Variants in RBFOX1 observed in about 807,000 individuals in gnomAD.
RBFOX1 encodes RNA binding fox-1 homolog 1, also known as RNA binding protein fox-1 homolog 1.
A neutral mutation model predicts 57.7 loss-of-function variants in RBFOX1; 8 were observed. The ratio of observed to expected loss-of-function variants is 0.14; its 90% CI spans 0.08 to 0.25. The LOEUF (loss-of-function observed/expected upper bound fraction) is 0.25, where lower values mean the gene tolerates loss of function less well. Among genes scored for constraint, RBFOX1 ranks in the 10% least tolerant of loss-of-function variants. The probability of loss-of-function intolerance (pLI) is 1.00; values close to 1 mark genes in which losing one functional copy is unlikely to be tolerated. For synonymous variants in RBFOX1, 326 were observed against 222.4 expected (o/e 1.47, Z -4.15); for missense variants, 611 against 548.5 (o/e 1.11, Z -1.14).
chr16:7,011,137 A>T (rs1289936496), intron 3 of RBFOX1, among the ~76,000 whole-genome samples: 1 of 151,594 alleles, frequency 6.6e-6, no homozygotes. Context: ...TGTCTTACAT[A>T]GTTGAAAAGT....
intron 2 of RBFOX1, among the ~76,000 whole-genome samples, chr16:6,605,989 G>C (rs891721816): frequency 6.6e-6 from 1 of 151,946 alleles, no homozygotes; most frequent in Non-Finnish European, 1.5e-5. Flanking sequence ...AGTGCCTGTA[G>C]TCCCAGCTAC....
At chr16:6,984,068 A>G (rs944469357) in intron 3 of RBFOX1, among the ~76,000 whole-genome samples, 1 of 152,068 alleles carries the variant, frequency 6.6e-6, no homozygotes, top group African/African-American at 2.4e-5. Context: ...ATCAACATGG[A>G]GAAACCCTGT....
chr16:5,987,617 C>A (rs577164511), intron 4 of RBFOX1, among the ~76,000 whole-genome samples: 1 of 152,218 alleles, frequency 6.6e-6, no homozygotes, highest in Admixed American at 6.5e-5. Flanking sequence ...GCAGGAGAAT[C>A]ACTTGAGGCC....
intron 9 of RBFOX1, among the ~76,000 whole-genome samples, chr16:7,599,712 A>G (rs2094912088): frequency 7.0e-6 from 1 of 142,920 alleles, no homozygotes; most frequent in African/African-American, 2.8e-5. Context: ...GTGGCATGCT[A>G]TTGGCTCATT....
chr16:7,482,763 C>G (rs369733929), intron 4 of RBFOX1, among the ~76,000 whole-genome samples: 1 of 151,890 alleles, frequency 6.6e-6, no homozygotes, highest in South Asian at 2.1e-4. Flanking sequence ...CTTGGATGTG[C>G]TGGTAAGCCC....
At chr16:7,213,069 G>A (rs567844147) in intron 4 of RBFOX1, among the ~76,000 whole-genome samples, 1 of 152,246 alleles carries the variant, frequency 6.6e-6, no homozygotes, top group South Asian at 2.1e-4. Flanking sequence ...GCCAGAGATT[G>A]GAATAGGTTG....
chr16:5,817,794 C>T (rs1360228862), intron 3 of RBFOX1, among the ~76,000 whole-genome samples: 3 of 151,432 alleles, frequency 2.0e-5, no homozygotes, highest in South Asian at 4.2e-4. Context: ...CCCGGGTTCG[C>T]GCCATTCTCC....
At chr16:6,831,869 G>T (rs565767247) in intron 3 of RBFOX1, among the ~76,000 whole-genome samples, 87 of 152,106 alleles carry the variant, frequency 5.7e-4, no homozygotes, top group Non-Finnish European at 1.1e-3. Flanking sequence ...CATCATTTAT[G>T]CAGTGAAAGA....
chr16:6,088,458 C>G (rs780345234), intron 1 of RBFOX1, among the ~76,000 whole-genome samples: 4 of 152,088 alleles, frequency 2.6e-5, no homozygotes, highest in African/African-American at 7.2e-5. Context: ...ATTAATCATT[C>G]ACTTTCCTAT....
intron 3 of RBFOX1, among the ~76,000 whole-genome samples, chr16:5,627,619 G>A (rs1167580128): frequency 6.6e-6 from 1 of 152,074 alleles, no homozygotes; most frequent in Non-Finnish European, 1.5e-5. Flanking sequence ...AAACTAAGAA[G>A]GGGATTGATA....
intron 1 of RBFOX1, among the ~76,000 whole-genome samples, chr16:6,301,928 C>T (rs2078867609): frequency 6.6e-6 from 1 of 152,164 alleles, no homozygotes; most frequent in Admixed American, 6.5e-5. Context: ...GGCAGAAGAA[C>T]ATCCTGAGGT....
intron 4 of RBFOX1, among the ~76,000 whole-genome samples, chr16:5,970,776 C>A (rs1339778324): frequency 6.6e-6 from 1 of 152,190 alleles, no homozygotes; most frequent in Non-Finnish European, 1.5e-5. Flanking sequence ...AAGTCTATGA[C>A]TATATGGCCA....
At position 5,879,558 on chromosome 16, in the gene RBFOX1, G is replaced by C. The variant is rs550809162; in HGVS notation, c.351+12223G>C. Reference sequence around the variant, plus strand: ...TTGGCCTGGCTGGTCTCAAACTCCTGACCTCAGGTGATCTGCCTCTTTTGG... The same window carrying C: ...TTGGCCTGGCTGGTCTCAAACTCCTCACCTCAGGTGATCTGCCTCTTTTGG... On this transcript the variant is annotated intron_variant, in intron 4 of 19. Transcript: ENST00000641259. Among the ~76,000 whole-genome samples, 9 of 152,294 alleles carry C rather than the reference G, an allele frequency of 5.9e-5. No individual in the cohort carries two copies. In the South Asian group the frequency reaches 1.9e-3, roughly 32 times the overall value.
rs138871526 is a variant in RBFOX1 at position 7,131,242 on chromosome 16, A to C, written c.27+79144A>C. On this transcript the variant is annotated intron_variant, in intron 4 of 15. Transcript: ENST00000550418. Reference sequence around the variant, plus strand: ...ACACCTGTAGTCTCAGCTACTCTGGAGGCTGAGGCAGGAGAATTGCTTCGA... The same window carrying C: ...ACACCTGTAGTCTCAGCTACTCTGGCGGCTGAGGCAGGAGAATTGCTTCGA... Among the ~76,000 whole-genome samples, 573 of 150,126 alleles carry C rather than the reference A, an allele frequency of 3.8e-3. 6 individuals are homozygous for C. The highest frequency in any genetic ancestry group is 0.013 in the African/African-American group (547 of 40,792).
At chr16:7,258,252 T>A (rs1246232408) in intron 4 of RBFOX1, among the ~76,000 whole-genome samples, 1 of 152,210 alleles carries the variant, frequency 6.6e-6, no homozygotes, top group African/African-American at 2.4e-5. Flanking sequence ...TTCAGTTCAG[T>A]GTCCTTCTTA....
chr16:5,966,479 G>A (rs1453447662), intron 4 of RBFOX1, among the ~76,000 whole-genome samples: 3 of 152,080 alleles, frequency 2.0e-5, no homozygotes, highest in Admixed American at 2.0e-4. Context: ...TTGTTTTGAG[G>A]TAGAGTCTTA....
At chr16:6,786,256 G>C (rs1023667007) in intron 3 of RBFOX1, among the ~76,000 whole-genome samples, 3 of 152,146 alleles carry the variant, frequency 2.0e-5, no homozygotes, top group Admixed American at 2.0e-4. Flanking sequence ...GTATGGGCCT[G>C]GCCAGGAGAC....
At chr16:7,523,427 G>C (rs376412305) in intron 5 of RBFOX1, among the ~76,000 whole-genome samples, 2 of 152,202 alleles carry the variant, frequency 1.3e-5, no homozygotes, top group Non-Finnish European at 2.9e-5. Context: ...ATGAATGGAG[G>C]CAGCATCATC....
intron 1 of RBFOX1, among the ~76,000 whole-genome samples, chr16:5,330,064 G>A (rs931092532): frequency 2.6e-5 from 4 of 151,872 alleles, no homozygotes; most frequent in African/African-American, 7.3e-5. Flanking sequence ...CAAGGGACCC[G>A]TGAACTCTCT....
Sources: allele counts gnomAD v4.1 joint callset (sites outside exome capture counted in the v4.1 genomes callset), GRCh38; gene constraint gnomAD v4.1.1; transcripts MANE v1.5; gene names NCBI Gene and HGNC (gene_info 2026-07-23, HGNC 2026-07-21).